Variants in SCLT1 observed in about 807,000 individuals in gnomAD.
SCLT1 encodes sodium channel and clathrin linker 1.
SCLT1 carries 78 observed loss-of-function variants against 112.8 expected under a neutral mutation model. The observed-to-expected ratio is 0.69, with a 90% CI of 0.58 to 0.83. The LOEUF is 0.83. SCLT1 is among the 40% of genes least tolerant of loss of function. The pLI is 0.00. For synonymous variants in SCLT1, 257 were observed against 254.7 expected, an observed-to-expected ratio of 1.01 and a Z score of -0.09; for missense variants, 747 against 770.4, an observed-to-expected ratio of 0.97 and a Z score of 0.36.
intron 18 of SCLT1, among the ~76,000 whole-genome samples, chr4:128,936,411 C>T (rs528696358): frequency 6.6e-6 from 1 of 152,186 alleles, no homozygotes; most frequent in African/African-American, 2.4e-5. Context: ...TTGCAACTAT[C>T]TAAACTAATA....
intron 18 of SCLT1, among the ~76,000 whole-genome samples, chr4:128,898,772 G>T (rs13113810): frequency 6.6e-6 from 1 of 151,864 alleles, no homozygotes; most frequent in South Asian, 2.1e-4. Flanking sequence ...TTGATAGACC[G>T]CTAGCAAGAC....
At chr4:129,038,316 G>C (rs572800117) in intron 5 of SCLT1, among the ~76,000 whole-genome samples, 10 of 151,916 alleles carry the variant, frequency 6.6e-5, no homozygotes, top group Non-Finnish European at 1.3e-4. Context: ...ACCTATTTTG[G>C]AAATTAAGTT....
At chr4:129,037,556 A>C (rs1230863363) in intron 5 of SCLT1, 1 of 152,192 alleles carries the variant, frequency 6.6e-6, no homozygotes, top group African/African-American at 2.4e-5. Context: ...CCATGGTAGT[A>C]ATAGGGATGG....
At chr4:128,954,264 G>A (rs1579490871) in intron 13 of SCLT1, among the ~76,000 whole-genome samples, 1 of 151,342 alleles carries the variant, frequency 6.6e-6, no homozygotes, top group Non-Finnish European at 1.5e-5. Context: ...TAATTAATAT[G>A]AGTGTTATCT....
chr4:129,009,916 A>C (rs1744369389), intron 5 of SCLT1, among the ~76,000 whole-genome samples: 1 of 152,172 alleles, frequency 6.6e-6, no homozygotes. Flanking sequence ...CTCTGTTGAT[A>C]GTTTCTTTTG....
intron 20 of SCLT1, among the ~76,000 whole-genome samples, chr4:128,887,243 A>G (rs1732959148): frequency 2.0e-5 from 3 of 152,196 alleles, no homozygotes; most frequent in African/African-American, 7.2e-5. Flanking sequence ...ACCTAAATAC[A>G]TTCTTGCATA....
chr4:129,092,482 G>A (rs1752932825), intron 1 of SCLT1, among the ~76,000 whole-genome samples: 1 of 152,084 alleles, frequency 6.6e-6, no homozygotes, highest in African/African-American at 2.4e-5. Flanking sequence ...GTTAATATTT[G>A]TTTAACACAA....
At chr4:129,059,574 TTGTC>T (rs1302608507) in intron 2 of SCLT1, among the ~76,000 whole-genome samples, 4 of 152,288 alleles carry the variant, frequency 2.6e-5, no homozygotes, top group South Asian at 4.1e-4. Flanking sequence ...CAGTTTGTGT[TTGTC>T]TGGGGAAAAC....
chr4:129,067,486 T>G (rs1750595582), intron 2 of SCLT1, among the ~76,000 whole-genome samples: 1 of 151,778 alleles, frequency 6.6e-6, no homozygotes, highest in Non-Finnish European at 1.5e-5. Flanking sequence ...CTACTAACAA[T>G]AGTTTATACT....
intron 5 of SCLT1, among the ~76,000 whole-genome samples, chr4:129,021,321 T>A (rs1420016979): frequency 3.3e-5 from 5 of 152,238 alleles, no homozygotes; most frequent in African/African-American, 1.2e-4. Flanking sequence ...CAGTGGCGCC[T>A]GGAACGAGAG....
intron 18 of SCLT1, among the ~76,000 whole-genome samples, chr4:128,891,689 A>T (rs952429401): frequency 5.3e-5 from 8 of 149,940 alleles, no homozygotes; most frequent in South Asian, 4.2e-4. Flanking sequence ...CTGTAGCCCA[A>T]ACTGAAGTGC....
intron 5 of SCLT1, among the ~76,000 whole-genome samples, chr4:129,029,770 C>T (rs538641720): frequency 1.3e-5 from 2 of 152,102 alleles, no homozygotes; most frequent in East Asian, 3.9e-4. Flanking sequence ...GCTAACTACC[C>T]TAAATATATG....
At chr4:128,924,990 G>A (rs1376321463) in intron 18 of SCLT1, among the ~76,000 whole-genome samples, 1 of 152,106 alleles carries the variant, frequency 6.6e-6, no homozygotes, top group Non-Finnish European at 1.5e-5. Flanking sequence ...AGGGAAGCAA[G>A]CTACCACATT....
chr4:128,985,119 G>A (rs935847945), intron 9 of SCLT1, among the ~76,000 whole-genome samples: 5 of 151,892 alleles, frequency 3.3e-5, no homozygotes, highest in Non-Finnish European at 5.9e-5. Flanking sequence ...TTCCCTTAGT[G>A]ACAAATACCT....
intron 18 of SCLT1, among the ~76,000 whole-genome samples, chr4:128,906,348 C>T (rs369210996): frequency 2.6e-5 from 4 of 152,064 alleles, no homozygotes; most frequent in African/African-American, 9.7e-5. Flanking sequence ...CAGGTGCCCA[C>T]CACCACACCT....
chr4:129,005,941 T>C (rs1412558110), intron 5 of SCLT1, among the ~76,000 whole-genome samples: 12 of 146,296 alleles, frequency 8.2e-5, no homozygotes, highest in African/African-American at 2.5e-4. Flanking sequence ...CCGCATATTC[T>C]CACTCACAGA....
At chr4:128,957,153 G>T in intron 12 of SCLT1, 29 bp from the exon 13 acceptor site, 4 of 1,286,374 alleles carry the variant, frequency 3.1e-6, no homozygotes, top group Non-Finnish European at 4.4e-6. Flanking sequence ...TCATGTTATA[G>T]ATAACATTAT....
At chr4:129,029,712 C>A (rs1746519290) in intron 5 of SCLT1, among the ~76,000 whole-genome samples, 2 of 151,674 alleles carry the variant, frequency 1.3e-5, no homozygotes, top group Admixed American at 1.3e-4. Context: ...CCCAAAAAGA[C>A]AAAGAAGGGC....
At chr4:128,881,314 AT>A (rs1176676627), downstream of SCLT1, among the ~76,000 whole-genome samples, 2 of 152,230 alleles carry the variant, frequency 1.3e-5, no homozygotes, top group African/African-American at 4.8e-5. Flanking sequence ...GATAAAAGAC[AT>A]TATGGTTAAA....
Sources: gnomAD v4.1 joint callset for allele counts (sites outside exome capture counted in the v4.1 genomes callset) on GRCh38, gnomAD v4.1.1 for gene constraint, MANE v1.5 for transcripts, NCBI Gene and HGNC (gene_info 2026-07-23, HGNC 2026-07-21) for gene names.